The following IGSF5 variants were observed in gnomAD, a reference collection of about 807,000 sequenced individuals.
IGSF5 encodes immunoglobulin superfamily 5 like.
Under a neutral mutation model 39.4 loss-of-function variants are expected in IGSF5, and 41 were observed. The observed-to-expected ratio is 1.04, with a 90% CI of 0.81 to 1.35. The LOEUF (loss-of-function observed/expected upper bound fraction) is 1.35. Ranked by LOEUF, IGSF5 falls within the 40% of genes most tolerant of loss-of-function variation. IGSF5 has a pLI of 0.00. For synonymous variants in IGSF5, 183 were observed against 175.3 expected, an observed-to-expected ratio of 1.04 and a Z score of -0.34; for missense variants, 487 against 494.6, an observed-to-expected ratio of 0.98 and a Z score of 0.15.
At chr21:39,785,796 G>T (rs1034508330) in intron 5 of IGSF5, among the ~76,000 whole-genome samples, 3 of 151,956 alleles carry the variant, frequency 2.0e-5, no homozygotes, top group African/African-American at 7.3e-5. Flanking sequence ...TGGATTCCTA[G>T]GTATTTTATT....
the IGSF5 span, among the ~76,000 whole-genome samples, chr21:39,732,000 T>C: frequency 1.3e-5 from 2 of 152,206 alleles, no homozygotes; most frequent in South Asian, 2.1e-4. Flanking sequence ...CCAGCAGCCA[T>C]GCTGTGAGGA....
chr21:39,737,956 G>C, the IGSF5 span, among the ~76,000 whole-genome samples: 1 of 152,216 alleles, frequency 6.6e-6, no homozygotes, highest in Non-Finnish European at 1.5e-5. Flanking sequence ...GTCAGAGAGA[G>C]AGATTCTGTT....
chr21:39,755,478 T>C (rs2410180), intron 2 of IGSF5, among the ~76,000 whole-genome samples: 123,267 of 150,966 alleles, frequency 0.82, 50,488 homozygotes, highest in Admixed American at 0.86. Flanking sequence ...TCCCAGCTAC[T>C]CAGGAGGCTG....
intron 4 of IGSF5, among the ~76,000 whole-genome samples, chr21:39,775,206 T>C (rs1052211352): frequency 5.9e-5 from 9 of 152,200 alleles, no homozygotes; most frequent in Admixed American, 2.6e-4. Flanking sequence ...CTACACAGAC[T>C]TGGACATTAG....
chr21:39,745,783 G>A (rs913455484), intron 1 of IGSF5, among the ~76,000 whole-genome samples: 7 of 152,154 alleles, frequency 4.6e-5, no homozygotes, highest in Admixed American at 2.0e-4. Flanking sequence ...CACGCTAATC[G>A]TTTTTAACTG....
At chr21:39,738,070 C>G in the IGSF5 span, among the ~76,000 whole-genome samples, 1 of 152,166 alleles carries the variant, frequency 6.6e-6, no homozygotes, top group Non-Finnish European at 1.5e-5. The surrounding 1 kb of genome is among the most constrained non-coding windows in gnomAD (Gnocchi z 6.4). Flanking sequence ...CTATTTCTAT[C>G]TATATATCAC....
Position 39,801,464 on chromosome 21 carries a change from C to A in IGSF5, c.*107C>A. On this transcript the variant is annotated 3_prime_UTR_variant, in exon 9 of 9. Transcript: ENST00000380588. ...CTGGCCTGCAGCTTTGCCAACATTA[C>A]CTGAAGAGGAGATGTCGGAGTCATC... The A allele has an allele frequency of 1.3e-6, 1 of 752,516 alleles. No individual in the cohort carries two copies. The highest frequency in any genetic ancestry group is 2.2e-6 in the Non-Finnish European group (1 of 444,636). 46.6% of individuals were successfully genotyped at this position (752,516 alleles called of 1,614,324 possible). A position where few individuals can be genotyped will look rare whatever the true frequency, so the allele number is the denominator to read the frequency against.
chr21:39,752,347 CT>C (rs34376805), intron 2 of IGSF5, among the ~76,000 whole-genome samples: 107,706 of 151,922 alleles, frequency 0.71, 40,889 homozygotes, highest in Non-Finnish European at 0.84. Flanking sequence ...TATTTTATTC[CT>C]TTTTTTTTAT....
chr21:39,712,285 C>G, the IGSF5 span, among the ~76,000 whole-genome samples: 2 of 152,172 alleles, frequency 1.3e-5, no homozygotes, highest in Admixed American at 6.5e-5. Context: ...ACTGGTGAAC[C>G]CATGCTCACT....
At chr21:39,724,797 A>G in the IGSF5 span, among the ~76,000 whole-genome samples, 3 of 152,176 alleles carry the variant, frequency 2.0e-5, no homozygotes, top group Admixed American at 1.3e-4. Flanking sequence ...CAGGGAGAGG[A>G]TATTGAGAAC....
chr21:39,726,654 C>G, the IGSF5 span, among the ~76,000 whole-genome samples: 1 of 152,298 alleles, frequency 6.6e-6, no homozygotes. Context: ...CACTTGATAG[C>G]AGGTTGATTA....
Position 39,756,023 on chromosome 21 carries a change from G to A in IGSF5, c.101-9512G>A, listed in dbSNP as rs941449141. 3.9e-5 allele frequency among the ~76,000 whole-genome samples: 6 copies of A among 152,154 alleles called. No individual in the cohort carries two copies. In the South Asian group the frequency reaches 6.2e-4, roughly 16 times the overall value. ...GGAGAGTTGCTTGAACCTGGGAGGC[G>A]GAGGTTGCAGTGAGCCGAGATCGTG... On this transcript the variant is annotated intron_variant, in intron 2 of 8. Coordinates refer to ENST00000380588, the MANE Select transcript of IGSF5 (RefSeq NM_001080444.2).
chr21:39,792,821 G>A (rs984712783), intron 7 of IGSF5, among the ~76,000 whole-genome samples: 2 of 152,162 alleles, frequency 1.3e-5, no homozygotes, highest in African/African-American at 4.8e-5. Flanking sequence ...CAGCAGTTGA[G>A]TATTGAAGGC....
the IGSF5 span, chr21:39,727,759 G>T: frequency 2.0e-5 from 3 of 152,402 alleles, no homozygotes; most frequent in African/African-American, 7.2e-5. Context: ...AAGAACGAGG[G>T]GGGGAGCTGC....
chr21:39,743,155 G>C (rs543731411), upstream of IGSF5, among the ~76,000 whole-genome samples: 7 of 152,264 alleles, frequency 4.6e-5, no homozygotes, highest in Non-Finnish European at 8.8e-5. Context: ...CAATCTCCAT[G>C]TTCTGATTCT....
At chr21:39,750,357 C>T (rs1203166645) in intron 2 of IGSF5, among the ~76,000 whole-genome samples, 1 of 151,972 alleles carries the variant, frequency 6.6e-6, no homozygotes, top group Non-Finnish European at 1.5e-5. Context: ...AAAAGCAGAC[C>T]TTTCACTGGG....
At chr21:39,760,631 C>T (rs6517566) in intron 2 of IGSF5, among the ~76,000 whole-genome samples, 59,577 of 151,560 alleles carry the variant, frequency 0.39, 12,034 homozygotes, top group Admixed American at 0.52. Context: ...AGTTCAGTGA[C>T]GTGATCTCGG....
chr21:39,785,053 T>G (rs2146290026), intron 5 of IGSF5, among the ~76,000 whole-genome samples: 1 of 151,506 alleles, frequency 6.6e-6, no homozygotes, highest in Non-Finnish European at 1.5e-5. Context: ...TTTTTTTAAA[T>G]TATACTTTAA....
chr21:39,770,520 C>T (rs1170654843), intron 3 of IGSF5, among the ~76,000 whole-genome samples: 1 of 152,128 alleles, frequency 6.6e-6, no homozygotes, highest in Non-Finnish European at 1.5e-5. Flanking sequence ...GAAGGTGAAG[C>T]TCGTTTCTCT....
Sources: allele counts gnomAD v4.1 joint callset (sites outside exome capture counted in the v4.1 genomes callset), GRCh38; gene constraint gnomAD v4.1.1; non-coding constraint Gnocchi (gnomAD v3.1); transcripts MANE v1.5; gene names NCBI Gene and HGNC (gene_info 2026-07-23, HGNC 2026-07-21).